DCHS2: variants seen among roughly 807,000 people sequenced by gnomAD.
The protein encoded by DCHS2 is dachsous cadherin-related 2, also known as protocadherin-23.
In DCHS2, 142 loss-of-function variants were observed where a neutral mutation model predicts 182.4. The observed-to-expected ratio is 0.78, with a 90% CI of 0.68 to 0.89. The LOEUF (loss-of-function observed/expected upper bound fraction) is 0.89, where lower values mean the gene tolerates loss of function less well. Ranked by LOEUF, DCHS2 falls within the 40% of genes least tolerant of loss-of-function variation. The pLI, the probability that DCHS2 is intolerant of heterozygous loss-of-function variation, is 0.00. For synonymous variants in DCHS2, 1,740 were observed against 1,663.3 expected, an observed-to-expected ratio of 1.05 and a Z score of -1.12; for missense variants, 4,319 against 4,198.6, an observed-to-expected ratio of 1.03 and a Z score of -0.79.
rs754574910 is a variant in DCHS2, at chr4:154,236,443, T to C, written c.8209A>G (p.Thr2737Ala). 3 of 1,613,944 alleles carry C rather than the reference T, an allele frequency of 1.9e-6. No individual in the cohort carries two copies. The highest frequency in any genetic ancestry group is 1.7e-6 in the Non-Finnish European group (2 of 1,179,974). The change falls in exon 20 of 20, where the codon ACC (threonine) becomes GCC (alanine). Residue 2737 changes from threonine to alanine, a missense_variant. Transcript: ENST00000357232. ...PLDYEKMTKF[T>A]LTVQASDAEK... is the part of the protein sequence containing the mutation. The stretch of plus-strand genomic sequence containing the variant: ...GCATCTGAAGCTTGGACAGTTAAGG[T>C]GAATTTTGTCATTTTTTCATAATCC...
intron 5 of DCHS2, 42 bp from the exon 6 acceptor site, chr4:154,329,752 C>T (rs147560203): frequency 6.5e-7 from 1 of 1,540,198 alleles, no homozygotes; most frequent in East Asian, 2.3e-5. Flanking sequence ...CACTGTGTAC[C>T]AGGCGCACCA....
At chr4:154,471,029 G>A (rs1735442892) in intron 1 of DCHS2, among the ~76,000 whole-genome samples, 1 of 152,150 alleles carries the variant, frequency 6.6e-6, no homozygotes, top group South Asian at 2.1e-4. Flanking sequence ...CCTTCTTCCA[G>A]CCCTTCACGG....
At chr4:154,383,586 A>T (rs988616008) in intron 1 of DCHS2, among the ~76,000 whole-genome samples, 1 of 152,222 alleles carries the variant, frequency 6.6e-6, no homozygotes, top group African/African-American at 2.4e-5. Flanking sequence ...ACAGGAGACA[A>T]ATTGAAATCA....
At chr4:154,417,218 A>T (rs865842257) in intron 1 of DCHS2, among the ~76,000 whole-genome samples, 3,593 of 138,258 alleles carry the variant, frequency 0.026, 104 homozygotes, top group Non-Finnish European at 0.038. Flanking sequence ...AGAGAGAGAG[A>T]GAGAGAGAGA....
chr4:154,446,378 G>T (rs1331090159), intron 1 of DCHS2, among the ~76,000 whole-genome samples: 1 of 152,172 alleles, frequency 6.6e-6, no homozygotes, highest in Non-Finnish European at 1.5e-5. Context: ...AGAAAGTCTT[G>T]CTTTACATAG....
chr4:154,238,619 C>A (rs2111095458), intron 19 of DCHS2, among the ~76,000 whole-genome samples: 1 of 152,286 alleles, frequency 6.6e-6, no homozygotes, highest in East Asian at 1.9e-4. Context: ...GATAAAAAGA[C>A]AAAAAGCCTT....
chr4:154,277,990 G>A lies in DCHS2; in HGVS notation c.6464-7977C>T, dbSNP rs184740182. Reference sequence around the variant, plus strand: ...CAGGAGGCAGAGGCTACAGTGAGCCGAGATTATACCACTGCACTCCAGCCT... The same window carrying A: ...CAGGAGGCAGAGGCTACAGTGAGCCAAGATTATACCACTGCACTCCAGCCT... On this transcript the variant is annotated intron_variant, in intron 13 of 19. Coordinates refer to ENST00000357232, the MANE Select transcript of DCHS2 (RefSeq NM_001358235.2). 8.3e-3 allele frequency among the ~76,000 whole-genome samples: 1,243 copies of A among 149,962 alleles called. 17 individuals carry two copies. Among genetic ancestry groups the A allele is most frequent in the African/African-American group, 0.029 (1,171 of 40,802 alleles).
chr4:154,361,492 A>G (rs913946718), intron 3 of DCHS2, among the ~76,000 whole-genome samples: 20 of 152,182 alleles, frequency 1.3e-4, no homozygotes, highest in African/African-American at 4.8e-4. Flanking sequence ...AAAATACATG[A>G]AAAAAGAGCT....
Position 154,242,705 on chromosome 4 carries a change from C to A in DCHS2, c.7009G>T (p.Val2337Leu). ...GGGGCATTGTCATTTATATCAGTCA[C>A]CTGTACCTTGATTACAGTCGTATTA... Reference protein sequence around the residue: ...LSNTTVIKVQVTDINDNAPAF... With the variant: ...LSNTTVIKVQLTDINDNAPAF... The change falls in exon 17 of 20, where the codon GTG becomes TTG. Residue 2337 changes from valine (V) to leucine (L), a missense_variant. Coordinates refer to ENST00000357232, the MANE Select transcript of DCHS2 (RefSeq NM_001358235.2). 1 of 1,613,178 alleles carries A rather than the reference C, an allele frequency of 6.2e-7. No individual in the cohort carries two copies. Among genetic ancestry groups the A allele is most frequent in the Non-Finnish European group, 8.5e-7 (1 of 1,179,438 alleles).
intron 3 of DCHS2, among the ~76,000 whole-genome samples, chr4:154,350,242 C>T (rs1469078507): frequency 6.6e-6 from 1 of 152,082 alleles, no homozygotes; most frequent in African/African-American, 2.4e-5. Context: ...GACATATTAC[C>T]CTGAATTTCT....
At chr4:154,478,543 G>A (rs1735782272) in intron 1 of DCHS2, among the ~76,000 whole-genome samples, 1 of 152,150 alleles carries the variant, frequency 6.6e-6, no homozygotes, top group Admixed American at 6.5e-5. Context: ...GCACCATGCA[G>A]GGTGGTTAGA....
At chr4:154,259,488 A>T (rs996546086) in intron 15 of DCHS2, 57 bp downstream of exon 15, 37 of 1,583,514 alleles carry the variant, frequency 2.3e-5, no homozygotes, top group Admixed American at 6.8e-5. Flanking sequence ...TCTCTCTCTC[A>T]CACAGACACA....
At chr4:154,256,330 T>C (rs1732663707) in intron 15 of DCHS2, among the ~76,000 whole-genome samples, 1 of 152,098 alleles carries the variant, frequency 6.6e-6, no homozygotes, top group East Asian at 1.9e-4. Context: ...AGATGGGGTT[T>C]TCCCATTTTG....
At chr4:154,411,434 T>C (rs1200680693) in intron 1 of DCHS2, among the ~76,000 whole-genome samples, 1 of 151,990 alleles carries the variant, frequency 6.6e-6, no homozygotes, top group African/African-American at 2.4e-5. Context: ...CTGTCTCTTC[T>C]AAAAATACAA....
At chr4:154,269,451 T>C (rs1454547570) in intron 14 of DCHS2, 1 of 158,772 alleles carries the variant, frequency 6.3e-6, no homozygotes, top group African/African-American at 2.4e-5. Context: ...GTAATTTCTT[T>C]ACCACTGTGT....
At chr4:154,389,876 T>C (rs1731606609) in intron 1 of DCHS2, among the ~76,000 whole-genome samples, 1 of 151,954 alleles carries the variant, frequency 6.6e-6, no homozygotes, top group Non-Finnish European at 1.5e-5. Context: ...CCAGAGCTCC[T>C]CTCTACCAAA....
intron 10 of DCHS2, 54 bp downstream of exon 10, chr4:154,315,694 A>T: frequency 6.3e-7 from 1 of 1,579,062 alleles, no homozygotes; most frequent in Non-Finnish European, 8.6e-7. Context: ...CGTCAATTAT[A>T]ATCTTCAATT....
chr4:154,383,290 G>C (rs1427414474), intron 1 of DCHS2, among the ~76,000 whole-genome samples: 1 of 152,042 alleles, frequency 6.6e-6, no homozygotes, highest in South Asian at 2.1e-4. Flanking sequence ...TGGGTATAAA[G>C]ATGGGGACAA....
chr4:154,310,207 T>C (rs1023152131), intron 10 of DCHS2, among the ~76,000 whole-genome samples: 8 of 152,230 alleles, frequency 5.3e-5, no homozygotes, highest in African/African-American at 1.7e-4. Flanking sequence ...TATATTGGCA[T>C]AAACCTGGGG....
Sources: gnomAD v4.1 joint callset for allele counts (sites outside exome capture counted in the v4.1 genomes callset) on GRCh38, gnomAD v4.1.1 for gene constraint, MANE v1.5 for transcripts, NCBI Gene and HGNC (gene_info 2026-07-23, HGNC 2026-07-21) for gene names.